The following SEPTIN8 variants were observed in gnomAD, a reference collection of about 807,000 sequenced individuals.
SEPTIN8 encodes the protein septin-8.
Under a neutral mutation model 53.1 loss-of-function variants are expected in SEPTIN8, and 22 were observed. That is an observed-to-expected ratio of 0.41 (90% CI 0.30 to 0.59). SEPTIN8 has a LOEUF of 0.59. SEPTIN8 is among the 20% of genes least tolerant of loss of function. SEPTIN8 has a pLI of 0.24. For missense variants in SEPTIN8, 536 were observed against 638.7 expected, an observed-to-expected ratio of 0.84 and a Z score of 1.73; for synonymous variants, 228 against 248.4, an observed-to-expected ratio of 0.92 and a Z score of 0.77.
chr5:132,755,627 C>T (rs953183109), intron 9 of SEPTIN8, among the ~76,000 whole-genome samples: 4 of 152,128 alleles, frequency 2.6e-5, no homozygotes, highest in African/African-American at 9.7e-5. Flanking sequence ...TAATATGGTT[C>T]CGAGCAGTCC....
chr5:132,770,036 T>C (rs1757074244), intron 1 of SEPTIN8, among the ~76,000 whole-genome samples: 7 of 90,316 alleles, frequency 7.8e-5, no homozygotes, highest in African/African-American at 2.7e-4. Flanking sequence ...CACACATATA[T>C]ATATATGTGT....
Position 132,752,013 on chromosome 5 carries a change from G to T in SEPTIN8, c.*3C>A. On this transcript the variant is annotated 3_prime_UTR_variant, in exon 10 of 10. Transcript: ENST00000378719. ...GCTGGCCCCATGTGTTGGAGCTGCT[G>T]CCTCAGAGGAATCCTTCCCTCCACG... The T allele has an allele frequency of 6.2e-7, 1 of 1,612,404 alleles. No individual in the cohort carries two copies. The highest frequency in any genetic ancestry group is 8.5e-7 in the Non-Finnish European group (1 of 1,179,480).
intron 1 of SEPTIN8, among the ~76,000 whole-genome samples, chr5:132,768,334 A>T (rs1756840846): frequency 6.6e-6 from 1 of 152,198 alleles, no homozygotes; most frequent in Non-Finnish European, 1.5e-5. Context: ...ACACACGTAC[A>T]CACACAGAAT....
At position 132,760,904 on chromosome 5, in the gene SEPTIN8, G is replaced by A; in HGVS notation, c.1184C>T (p.Thr395Ile). The A allele has an allele frequency of 6.2e-7, 1 of 1,610,676 alleles. No homozygotes were observed. The highest frequency in any genetic ancestry group is 2.2e-5 in the East Asian group (1 of 44,870). The change falls in exon 9 of 10, where the codon ACC becomes ATC. Residue 395 changes from threonine (T) to isoleucine (I), a missense_variant. By Grantham distance (89) the Thr-to-Ile change is moderately conservative. Transcript: ENST00000378719. The surrounding 1 kb of genome is among the most constrained non-coding windows in gnomAD (Gnocchi z 5.2). ...EEKRRELEEETNAFNRRKAAV... is the reference protein window; with the variant it reads ...EEKRRELEEEINAFNRRKAAV... Reference sequence around the variant, plus strand: ...AGCCTTCCGGCGATTGAAGGCGTTGGTCTCCTCCTCCAGTTCCCGGCGCTT... The same window carrying A: ...AGCCTTCCGGCGATTGAAGGCGTTGATCTCCTCCTCCAGTTCCCGGCGCTT...
chr5:132,762,206 C>A (rs1756051932), intron 5 of SEPTIN8, among the ~76,000 whole-genome samples: 1 of 152,200 alleles, frequency 6.6e-6, no homozygotes, highest in Non-Finnish European at 1.5e-5. Context: ...GGTTCCCAAA[C>A]CCTTAAGCCT....
intron 1 of SEPTIN8, chr5:132,774,095 C>A (rs1757572532): frequency 6.0e-6 from 1 of 165,398 alleles, no homozygotes. Flanking sequence ...GACCTTGAGC[C>A]TCATTTGGGT....
chr5:132,768,634 C>T (rs1040544650), intron 1 of SEPTIN8, among the ~76,000 whole-genome samples: 24 of 152,216 alleles, frequency 1.6e-4, no homozygotes, highest in African/African-American at 5.5e-4. Context: ...GGCTACCAGC[C>T]CTGCAATTTG....
chr5:132,757,639 A>G (rs755682788), intron 9 of SEPTIN8: 57 of 985,312 alleles, frequency 5.8e-5, no homozygotes, highest in Non-Finnish European at 6.7e-5. Context: ...CTTCAACATT[A>G]AAACTACCCT....
At chr5:132,764,132 C>T (rs1756314532) in intron 3 of SEPTIN8, 92 bp downstream of exon 3, 1 of 1,354,674 alleles carries the variant, frequency 7.4e-7, no homozygotes, top group Non-Finnish European at 1.0e-6. Context: ...CCTCCCTGGC[C>T]CCCTGCAGTG....
chr5:132,772,493 G>C (rs1052262195), intron 1 of SEPTIN8, among the ~76,000 whole-genome samples: 8 of 152,134 alleles, frequency 5.3e-5, no homozygotes, highest in Admixed American at 1.3e-4. Flanking sequence ...CTTAGCTCAG[G>C]GACTCCAGTG....
At chr5:132,769,143 G>A (rs1756926284) in intron 1 of SEPTIN8, among the ~76,000 whole-genome samples, 1 of 152,150 alleles carries the variant, frequency 6.6e-6, no homozygotes, top group African/African-American at 2.4e-5. Context: ...TTACACCCAG[G>A]CTCTCACTTG....
intron 1 of SEPTIN8, among the ~76,000 whole-genome samples, chr5:132,771,562 C>T (rs1302815145): frequency 6.6e-6 from 1 of 152,214 alleles, no homozygotes. Flanking sequence ...AGCTCCAGCC[C>T]TGGGGGTGGC....
At chr5:132,768,747 C>T (rs1444543252) in intron 1 of SEPTIN8, among the ~76,000 whole-genome samples, 1 of 152,170 alleles carries the variant, frequency 6.6e-6, no homozygotes, top group African/African-American at 2.4e-5. Flanking sequence ...CCTTTATGAC[C>T]ATCTTGAGAC....
chr5:132,758,397 G>A lies in SEPTIN8; in HGVS notation c.1286+2405C>T, dbSNP rs1561740946. The A allele has an allele frequency of 9.2e-6, 14 of 1,517,204 alleles. No homozygotes were observed. In the South Asian group the frequency reaches 1.4e-4, roughly 15 times the overall value. The allele number at this position is 1,517,204 out of a possible 1,614,324, so 94.0% of individuals were successfully genotyped here. ...GGGAACTGGGTGAATTTTGCAGCAT[G>A]TATACCAGACCACGCAGCTGCACCT... is the stretch of plus-strand genomic sequence containing the variant. On this transcript the variant is annotated intron_variant, in intron 9 of 9. Transcript: ENST00000378719.
upstream of SEPTIN8, among the ~76,000 whole-genome samples, chr5:132,779,207 G>T (rs1443782668): frequency 1.3e-5 from 2 of 152,174 alleles, no homozygotes; most frequent in Non-Finnish European, 2.9e-5. Flanking sequence ...AAAAGAGTGA[G>T]AATTATCTAT....
In SEPTIN8 at chr5:132,762,481, C is replaced by CACA; in HGVS notation, c.696_696+2dup. On this transcript the variant is annotated splice_region_variant and intron_variant, in intron 5 of 9. Coordinates refer to ENST00000378719, the MANE Select transcript of SEPTIN8 (RefSeq NM_001098811.2). ...GGCCCTGAGGCCCTCACCCAACGCT[C>CACA]ACATTCATGACTGCGTTAATCTCTG... The CACA allele has an allele frequency of 6.2e-7, 1 of 1,614,126 alleles. No homozygotes were observed.
In SEPTIN8 at chr5:132,772,828, C is replaced by T. The variant is rs575928507; in HGVS notation, c.30+4280G>A. Among the ~76,000 whole-genome samples the T allele has an allele frequency of 4.6e-4, 70 of 152,304 alleles. No individual in the cohort carries two copies. In the South Asian group the frequency reaches 6.0e-3, roughly 13 times the overall value. On this transcript the variant is annotated intron_variant, in intron 1 of 9. Coordinates refer to ENST00000378719, the MANE Select transcript of SEPTIN8 (RefSeq NM_001098811.2). ...CATGTCTGGCAAGTGGGCTTGGGTCCATACCCACAGCCCCTCCTGAACCCC... is the reference window on the plus strand; with the variant it reads ...CATGTCTGGCAAGTGGGCTTGGGTCTATACCCACAGCCCCTCCTGAACCCC...
chr5:132,767,990 G>A (rs1170316939), intron 1 of SEPTIN8, among the ~76,000 whole-genome samples: 1 of 63,154 alleles, frequency 1.6e-5, no homozygotes, highest in South Asian at 7.4e-4. Flanking sequence ...CACACACGCA[G>A]CCGCAGAGCA....
chr5:132,770,109 G>GTATATATATATGTATATATGTA (rs1757139378), intron 1 of SEPTIN8, among the ~76,000 whole-genome samples: 1 of 80,766 alleles, frequency 1.2e-5, no homozygotes, highest in Non-Finnish European at 1.9e-5. Flanking sequence ...ATGTATATAT[G>GTATATATATATGTATATATGTA]TATATATATA....
Sources: gnomAD v4.1 joint callset for allele counts (sites outside exome capture counted in the v4.1 genomes callset) on GRCh38, gnomAD v4.1.1 for gene constraint, Gnocchi (gnomAD v3.1) non-coding constraint, MANE v1.5 for transcripts, NCBI Gene and HGNC (gene_info 2026-07-23, HGNC 2026-07-21) for gene names.